The following JMY variants were observed in gnomAD, a reference collection of about 807,000 sequenced individuals.
The protein encoded by JMY is junction mediating and regulatory protein, p53 cofactor.
A neutral mutation model predicts 103.3 loss-of-function variants in JMY; 46 were observed. The ratio of observed to expected loss-of-function variants is 0.45; its 90% confidence interval spans 0.35 to 0.57. The LOEUF (loss-of-function observed/expected upper bound fraction) is 0.57, where lower values mean the gene tolerates loss of function less well. JMY is among the 20% of genes least tolerant of loss of function. The probability of loss-of-function intolerance (pLI) is 0.00; values close to 1 mark genes in which losing one functional copy is unlikely to be tolerated. For missense variants in JMY, 1,238 were observed against 1,255.2 expected (o/e 0.99, Z 0.21); for synonymous variants, 526 against 489.3 (o/e 1.07, Z -0.99).
chr5:79,248,329 C>T (rs1411026926), intron 1 of JMY, among the ~76,000 whole-genome samples: 2 of 151,014 alleles, frequency 1.3e-5, no homozygotes, highest in African/African-American at 4.9e-5. Flanking sequence ...TTTTTTGAGA[C>T]AGAGTCTCCC....
chr5:79,257,389 G>A (rs1458673006), intron 1 of JMY, among the ~76,000 whole-genome samples: 1 of 152,154 alleles, frequency 6.6e-6, no homozygotes, highest in Admixed American at 6.5e-5. Context: ...GATTGCTTGA[G>A]TCCAAGAGTT....
intron 7 of JMY, among the ~76,000 whole-genome samples, chr5:79,309,439 G>A (rs1047145292): frequency 2.0e-5 from 3 of 152,110 alleles, no homozygotes; most frequent in African/African-American, 7.2e-5. Context: ...CCATATTGCT[G>A]TGCCGCATCC....
intron 1 of JMY, among the ~76,000 whole-genome samples, chr5:79,254,073 G>T (rs1240976375): frequency 6.6e-6 from 1 of 150,448 alleles, no homozygotes; most frequent in African/African-American, 2.4e-5. Context: ...TCAGCCTCCT[G>T]AGTAGCTGGA....
chr5:79,283,250 A>C (rs1375865407), intron 2 of JMY, among the ~76,000 whole-genome samples: 2 of 151,996 alleles, frequency 1.3e-5, no homozygotes, highest in Admixed American at 1.3e-4. Flanking sequence ...CTGCCTCCCA[A>C]AGTGCTGGGA....
intron 1 of JMY, among the ~76,000 whole-genome samples, chr5:79,271,470 A>T (rs1745780966): frequency 6.6e-6 from 1 of 152,106 alleles, no homozygotes; most frequent in African/African-American, 2.4e-5. Context: ...TTCTTTCTTA[A>T]ATATCTGGTA....
intron 1 of JMY, among the ~76,000 whole-genome samples, chr5:79,240,992 T>C (rs1027673063): frequency 1.3e-5 from 2 of 152,246 alleles, no homozygotes; most frequent in South Asian, 2.1e-4. Flanking sequence ...TTTGAGGATA[T>C]GTTAGAATGC....
Position 79,306,480 on chromosome 5 carries a change from AT to A in JMY, c.1968+23del. On this transcript the variant is annotated intron_variant, in intron 7 of 10. Coordinates refer to ENST00000396137, the MANE Select transcript of JMY (RefSeq NM_152405.5). ...ACAACTAGTAAGTTTGGATTCGAAG[AT>A]TTTGAACAAAACTTAATTTTTTTGC... is the stretch of plus-strand genomic sequence containing the variant. 1 of 1,556,886 alleles carries A rather than the reference AT, an allele frequency of 6.4e-7. No individual in the cohort carries two copies. Among genetic ancestry groups the A allele is most frequent in the Non-Finnish European group, 8.8e-7 (1 of 1,132,820 alleles).
intron 1 of JMY, among the ~76,000 whole-genome samples, chr5:79,246,698 T>G (rs989350977): frequency 2.0e-5 from 3 of 152,094 alleles, no homozygotes; most frequent in African/African-American, 7.2e-5. Flanking sequence ...CTGGCCAACA[T>G]GGTAAAACCC....
chr5:79,248,074 G>T (rs988400461), intron 1 of JMY, among the ~76,000 whole-genome samples: 1 of 151,678 alleles, frequency 6.6e-6, no homozygotes, highest in African/African-American at 2.4e-5. Context: ...TGTATTTTTA[G>T]TAGAGATGGG....
intron 1 of JMY, among the ~76,000 whole-genome samples, chr5:79,247,717 A>G (rs1017947042): frequency 6.6e-5 from 10 of 151,702 alleles, no homozygotes; most frequent in African/African-American, 2.2e-4. Context: ...TAGTGGCACA[A>G]TCTCTGCTCA....
rs999410036 is a variant in JMY at position 79,323,251 on chromosome 5, C to G, written c.*1649C>G. Reference sequence around the variant, plus strand: ...ATAGGCGTGAGCCTCTGTGCCCAGCCTGACAAAATCTTTTATTTATTTAAA... The same window carrying G: ...ATAGGCGTGAGCCTCTGTGCCCAGCGTGACAAAATCTTTTATTTATTTAAA... On this transcript the variant is annotated 3_prime_UTR_variant, in exon 11 of 11. Coordinates refer to ENST00000396137, the MANE Select transcript of JMY (RefSeq NM_152405.5). 8 of 152,212 alleles carry G rather than the reference C, an allele frequency of 5.3e-5. No homozygotes were observed. The highest frequency in any genetic ancestry group is 1.9e-4 in the African/African-American group (8 of 41,468). 9.4% of individuals were successfully genotyped at this position (152,212 alleles called of 1,614,324 possible).
chr5:79,325,786 A>AAAG lies in JMY; in HGVS notation c.*4185_*4187dup, dbSNP rs1478867181. ...TTTTTATCCGATATAGTGTAATTTA[A>AAAG]AAGTTTTCCTACAAAGTGAGTTTAT... On this transcript the variant is annotated 3_prime_UTR_variant, in exon 11 of 11. Transcript: ENST00000396137. 1 of 152,192 alleles carries AAAG rather than the reference A, an allele frequency of 6.6e-6. No individual in the cohort carries two copies. The highest frequency in any genetic ancestry group is 2.4e-5 in the African/African-American group (1 of 41,452). The allele number at this position is 152,192 out of a possible 1,614,324, so 9.4% of individuals were successfully genotyped here.
In JMY at chr5:79,314,281, A is replaced by C. The variant is rs1407759866; in HGVS notation, c.2089A>C (p.Lys697Gln). ...GAGGTATCCTGGGCAAGTCATACTT[A>C]AATCAACCAGATTACGACTAGCTCA... Reference protein sequence around the residue: ...KQRYPGQVILKSTRLRLAHAR... With the variant: ...KQRYPGQVILQSTRLRLAHAR... Residue 697 changes from lysine (K) to glutamine (Q), a missense_variant, in exon 9 of 11, where the codon AAA becomes CAA. Coordinates refer to ENST00000396137, the MANE Select transcript of JMY (RefSeq NM_152405.5). The C allele has an allele frequency of 6.2e-7, 1 of 1,612,728 alleles. No homozygotes were observed. The highest frequency in any genetic ancestry group is 8.5e-7 in the Non-Finnish European group (1 of 1,179,536).
intron 8 of JMY, 111 bp downstream of exon 8, chr5:79,312,609 T>G (rs1193144576): frequency 7.3e-5 from 36 of 493,824 alleles, no homozygotes; most frequent in Non-Finnish European, 1.1e-4. Flanking sequence ...TTCCCTTATT[T>G]ATAAACTATT....
intron 1 of JMY, among the ~76,000 whole-genome samples, chr5:79,268,753 G>A (rs759933776): frequency 1.6e-4 from 24 of 152,168 alleles, no homozygotes; most frequent in Non-Finnish European, 2.6e-4. Context: ...TTCCCAAAGT[G>A]CTGGGATTAC....
At chr5:79,292,828 C>T (rs1420092856) in intron 4 of JMY, among the ~76,000 whole-genome samples, 4 of 152,026 alleles carry the variant, frequency 2.6e-5, no homozygotes, top group Non-Finnish European at 5.9e-5. Context: ...TTCCCTGGGG[C>T]TGTCCCATTA....
At chr5:79,319,028 C>T (rs1360207861) in intron 10 of JMY, among the ~76,000 whole-genome samples, 4 of 152,182 alleles carry the variant, frequency 2.6e-5, no homozygotes, top group African/African-American at 7.2e-5. Flanking sequence ...GTGTGTTTAG[C>T]TCTTTCATTA....
chr5:79,320,343 CTT>C (rs869113484), intron 10 of JMY, among the ~76,000 whole-genome samples: 3 of 25,260 alleles, frequency 1.2e-4, no homozygotes, highest in Admixed American at 7.5e-4. Context: ...CTGTGAGAGT[CTT>C]TTTTTTTTTT....
chr5:79,297,839 G>C (rs567032250), intron 4 of JMY, among the ~76,000 whole-genome samples: 1 of 152,256 alleles, frequency 6.6e-6, no homozygotes, highest in Admixed American at 6.5e-5. Context: ...GGTCTAGATA[G>C]AACTCACCGA....
Sources: allele counts gnomAD v4.1 joint callset (sites outside exome capture counted in the v4.1 genomes callset), GRCh38; gene constraint gnomAD v4.1.1; transcripts MANE v1.5; gene names NCBI Gene and HGNC (gene_info 2026-07-23, HGNC 2026-07-21).